Variants in EIF3A observed in about 807,000 individuals in gnomAD.
The protein encoded by EIF3A is EIF3, p180 subunit.
EIF3A carries 21 observed loss-of-function variants against 186.6 expected under a neutral mutation model. The ratio of observed to expected loss-of-function variants is 0.11; its 90% CI spans 0.08 to 0.16. The LOEUF (loss-of-function observed/expected upper bound fraction) is 0.16, where lower values mean the gene tolerates loss of function less well. Among genes scored for constraint, EIF3A ranks in the 10% least tolerant of loss-of-function variants. The pLI, the probability that EIF3A is intolerant of heterozygous loss-of-function variation, is 1.00. For missense variants in EIF3A, 1,306 were observed against 1,796.3 expected (o/e 0.73, Z 4.93); for synonymous variants, 563 against 584.3 (o/e 0.96, Z 0.52).
At chr10:119,058,374 A>T in intron 11 of EIF3A, 71 bp from the exon 12 acceptor site, 1 of 1,070,112 alleles carries the variant, frequency 9.3e-7, no homozygotes, top group Non-Finnish European at 1.3e-6. Flanking sequence ...CAAAGAAATT[A>T]CAAAATAATC....
intron 17 of EIF3A, among the ~76,000 whole-genome samples, chr10:119,047,601 T>C (rs1351042998): frequency 6.6e-6 from 1 of 152,052 alleles, no homozygotes; most frequent in Non-Finnish European, 1.5e-5. Flanking sequence ...AAGGAGACAG[T>C]CCCATAAACT....
chr10:119,059,151 T>A, intron 11 of EIF3A, 61 bp downstream of exon 11: 1 of 1,335,062 alleles, frequency 7.5e-7, no homozygotes, highest in Non-Finnish European at 1.1e-6. Flanking sequence ...GTAAAAGACA[T>A]GGCATGGCGT....
chr10:119,046,722 G>A (rs1848286984), intron 17 of EIF3A, among the ~76,000 whole-genome samples: 3 of 152,194 alleles, frequency 2.0e-5, no homozygotes, highest in Admixed American at 6.5e-5. Flanking sequence ...ACTTTGGGAG[G>A]TTGAGGTGGG....
intron 1 of EIF3A, among the ~76,000 whole-genome samples, chr10:119,074,691 T>G (rs1269051046): frequency 6.6e-6 from 1 of 151,452 alleles, no homozygotes; most frequent in East Asian, 2.0e-4. Context: ...CCCAACACTT[T>G]GGGAGGACGA....
chr10:119,058,353 G>A (rs1189201857), intron 11 of EIF3A, 50 bp from the exon 12 acceptor site: 3 of 1,284,836 alleles, frequency 2.3e-6, no homozygotes, highest in African/African-American at 3.0e-5. Flanking sequence ...ACATTCTCTG[G>A]TATTAGGCAT....
chr10:119,060,651 G>T, intron 9 of EIF3A, 95 bp downstream of exon 9: 2 of 811,240 alleles, frequency 2.5e-6, no homozygotes, highest in African/African-American at 1.8e-5. Context: ...ACTTGGGGAG[G>T]TTCTCACTTC....
chr10:119,078,463 T>C (rs1398677421), intron 1 of EIF3A, among the ~76,000 whole-genome samples: 2 of 152,232 alleles, frequency 1.3e-5, no homozygotes, highest in African/African-American at 4.8e-5. Flanking sequence ...ATATTACATG[T>C]AAAACATTTA....
Position 119,073,022 on chromosome 10 carries a change from T to C in EIF3A, c.409A>G (p.Thr137Ala), listed in dbSNP as rs1195191818. The C allele has an allele frequency of 6.2e-7, 1 of 1,613,652 alleles. No homozygotes were observed. The highest frequency in any genetic ancestry group is 1.1e-5 in the South Asian group (1 of 90,954). The change falls in exon 4 of 22, where the codon ACT (threonine) becomes GCT (alanine). Residue 137 changes from threonine to alanine, a missense_variant. Thr to Ala is a moderately conservative substitution (Grantham distance 58). Transcript: ENST00000369144. ...AGTAATCTGTCAGTACGATCCTGAG[T>C]GTCTTCACCACTTACAGCACTTAGG... ...VLLSAVSGED[T>A]QDRTDRLLLT...
chr10:119,042,376 C>A lies in EIF3A; in HGVS notation c.3144G>T (p.Pro1048=). ...PRRGMDDDRG[P]RRGGADDERS... Reference sequence around the variant, plus strand: ...GCTCATCATCAGCGCCTCCTCGCCTCGGCCCCCGGTCATCATCCATCCCAC... The same window carrying A: ...GCTCATCATCAGCGCCTCCTCGCCTAGGCCCCCGGTCATCATCCATCCCAC... The change falls in exon 19 of 22, where the codon CCG becomes CCT. Residue 1048 remains proline, a synonymous_variant. Transcript: ENST00000369144. This position sits in a 1 kb window ranked among gnomAD's most constrained non-coding sequence, Gnocchi z 7.8. 1 of 1,612,940 alleles carries A rather than the reference C, an allele frequency of 6.2e-7. No individual in the cohort carries two copies. Among genetic ancestry groups the A allele is most frequent in the Non-Finnish European group, 8.5e-7 (1 of 1,179,634 alleles).
At chr10:119,080,453 A>G (rs953684055) in intron 1 of EIF3A, 175 bp downstream of exon 1, 4 of 985,264 alleles carry the variant, frequency 4.1e-6, no homozygotes, top group African/African-American at 1.7e-5. Flanking sequence ...ACCCCAGTCG[A>G]TAGAGTGAGA....
rs1266613051 is a variant in EIF3A at position 119,059,357 on chromosome 10, G to A, written c.1484C>T (p.Ser495Phe). 3.7e-6 allele frequency: 6 copies of A among 1,605,806 alleles called. No individual in the cohort carries two copies. Among genetic ancestry groups the A allele is most frequent in the East Asian group, 2.2e-5 (1 of 44,828 alleles). ...TTCTCGAGTAGCATAATTCAAATCA[G>A]ATCCAAAACTCAGGGTCCGAGAAGT... ...DHTSRTLSFG[S>F]DLNYATREDA... The change falls in exon 11 of 22, where the codon TCT becomes TTT. Residue 495 changes from serine to phenylalanine, a missense_variant. Physicochemically the swap from Ser to Phe is radical, Grantham distance 155 (BLOSUM62 -2). Coordinates refer to ENST00000369144, the MANE Select transcript of EIF3A (RefSeq NM_003750.4).
At chr10:119,038,750 C>T (rs1848169593) in intron 19 of EIF3A, among the ~76,000 whole-genome samples, 1 of 152,094 alleles carries the variant, frequency 6.6e-6, no homozygotes, top group South Asian at 2.1e-4. Context: ...ATGGTAATAA[C>T]CCTGTTGCTA....
rs145348629 is a variant in EIF3A, at chr10:119,065,415, C to G, written c.1106G>C (p.Gly369Ala). Reference sequence around the variant, plus strand: ...AATACTAACCATATCATTAATAAGGCCAATTCGTGTCGGTGGGGCTTGAAG... The same window carrying G: ...AATACTAACCATATCATTAATAAGGGCAATTCGTGTCGGTGGGGCTTGAAG... ...LGLQAPPTRIGLINDMVRFNV... is the reference protein window; with the variant it reads ...LGLQAPPTRIALINDMVRFNV... The change falls in exon 7 of 22, where the codon GGC (glycine) becomes GCC (alanine). Residue 369 changes from glycine to alanine, a missense_variant. Around this residue, in one of 8 missense-constraint regions of EIF3A, gnomAD observed 267 missense variants for 367.8 expected, o/e 0.73. Transcript: ENST00000369144. The G allele has an allele frequency of 2.9e-5, 46 of 1,611,962 alleles. No individual in the cohort carries two copies. Among genetic ancestry groups the G allele is most frequent in the Non-Finnish European group, 3.6e-5 (42 of 1,178,984 alleles).
rs139146660 is a variant in EIF3A at position 119,040,399 on chromosome 10, G to A, written c.3526+1595C>T. Among the ~76,000 whole-genome samples, 469 of 152,324 alleles carry A rather than the reference G, an allele frequency of 3.1e-3. 1 individual carries two copies. Among genetic ancestry groups the A allele is most frequent in the Middle Eastern group, 0.017 (5 of 294 alleles). ...GAATCCTAGCTCAGACAGTTAGATG[G>A]ACAGTGATGCCCCTGAAGAGAATCA... On this transcript the variant is annotated intron_variant, in intron 19 of 21. Coordinates refer to ENST00000369144, the MANE Select transcript of EIF3A (RefSeq NM_003750.4).
chr10:119,070,979 C>T lies in EIF3A; in HGVS notation c.648G>A (p.Thr216=). 3.1e-6 allele frequency: 5 copies of T among 1,613,904 alleles called. No individual in the cohort carries two copies. Among genetic ancestry groups the T allele is most frequent in the Non-Finnish European group, 3.4e-6 (4 of 1,179,814 alleles). Residue 216 remains threonine (T), a synonymous_variant, in exon 5 of 22, where the codon ACG becomes ACA. Transcript: ENST00000369144. Reference sequence around the variant, plus strand: ...TCTCTGGATTATTAAGATTGATTGCCGTACTTTGGTTATGGTGGCGCTGAA... The same window carrying T: ...TCTCTGGATTATTAAGATTGATTGCTGTACTTTGGTTATGGTGGCGCTGAA... The part of the protein sequence containing the change: ...SQIQRHHNQS[T]AINLNNPESQ...
chr10:119,041,293 C>T (rs1238291916), intron 19 of EIF3A, among the ~76,000 whole-genome samples: 6 of 152,118 alleles, frequency 3.9e-5, no homozygotes, highest in Admixed American at 2.0e-4. Context: ...TGAGGCTGGG[C>T]GCAGCGCCTC....
In EIF3A at chr10:119,037,247, C is replaced by A. The variant is rs938443375; in HGVS notation, c.3791G>T (p.Arg1264Leu). The A allele has an allele frequency of 6.2e-7, 1 of 1,614,008 alleles. No individual in the cohort carries two copies. The highest frequency in any genetic ancestry group is 1.3e-5 in the African/African-American group (1 of 74,912). ...EESSSWRDSS[R>L]RDDRDRDDRR... is the part of the protein sequence containing the mutation. ...GTCATCCCTATCCCTATCGTCCCGG[C>A]GACTTGAGTCTCTCCAGCTTGAAGA... The change falls in exon 21 of 22, where the codon CGC becomes CTC. Residue 1264 changes from arginine to leucine, a missense_variant. By Grantham distance (102) the Arg-to-Leu change is moderately radical. This residue lies in a region of EIF3A where 331 missense variants were observed against 365.8 expected (regional missense o/e 0.90). Coordinates refer to ENST00000369144, the MANE Select transcript of EIF3A (RefSeq NM_003750.4).
chr10:119,058,320 AT>A lies in EIF3A; in HGVS notation c.1630-18del, dbSNP rs1843824899. The A allele has an allele frequency of 5.3e-6, 8 of 1,514,944 alleles. No homozygotes were observed. In the East Asian group the frequency reaches 1.7e-4, roughly 32 times the overall value. The allele number at this position is 1,514,944 out of a possible 1,614,324, so 93.8% of individuals were successfully genotyped here. ...TTTCTCTTGCTTCAAAAACAAATGAATTTTTTTACATGACCAAAATTAACAT... is the reference window on the plus strand; with the variant it reads ...TTTCTCTTGCTTCAAAAACAAATGAATTTTTTACATGACCAAAATTAACAT... On this transcript the variant is annotated intron_variant, in intron 11 of 21. Coordinates refer to ENST00000369144, the MANE Select transcript of EIF3A (RefSeq NM_003750.4).
At chr10:119,057,914 C>A in intron 12 of EIF3A, 42 bp downstream of exon 12, 1 of 1,502,342 alleles carries the variant, frequency 6.7e-7, no homozygotes, top group Non-Finnish European at 9.1e-7. Context: ...GTACAAAATA[C>A]CTGGATAAAA....
Sources: gnomAD v4.1 joint callset for allele counts (sites outside exome capture counted in the v4.1 genomes callset) on GRCh38, gnomAD v4.1.1 for gene constraint, gnomAD v4.1.1 regional missense constraint, Gnocchi (gnomAD v3.1) non-coding constraint, MANE v1.5 for transcripts, NCBI Gene and HGNC (gene_info 2026-07-23, HGNC 2026-07-21) for gene names.